Variants in HIP1 observed in about 807,000 individuals in gnomAD.
HIP1 encodes the protein huntingtin interacting protein 1.
Under a neutral mutation model 147.6 loss-of-function variants are expected in HIP1, and 65 were observed. That is an observed-to-expected ratio of 0.44 (90% CI 0.36 to 0.54). HIP1 has a LOEUF of 0.54. HIP1 is among the 20% of genes least tolerant of loss of function. The pLI is 0.00. For synonymous variants in HIP1, 479 were observed against 504.0 expected, an observed-to-expected ratio of 0.95 and a Z score of 0.67; for missense variants, 1,061 against 1,299.6, an observed-to-expected ratio of 0.82 and a Z score of 2.82.
chr7:75,570,130 C>T (rs782625881), intron 8 of HIP1, among the ~76,000 whole-genome samples: 9 of 151,330 alleles, frequency 5.9e-5, no homozygotes, highest in South Asian at 4.2e-4. Flanking sequence ...TACAGGGTTT[C>T]GCCGTGTTGG....
chr7:75,547,810 T>A lies in HIP1; in HGVS notation c.2410A>T (p.Met804Leu). The A allele has an allele frequency of 6.2e-7, 1 of 1,613,434 alleles. No individual in the cohort carries two copies. Among genetic ancestry groups the A allele is most frequent in the Non-Finnish European group, 8.5e-7 (1 of 1,179,498 alleles). ...TCTCCTGCTCGGGATTTGCTGAGCA[T>A]CTCCTGTGAAAAAGAAGCATGGTTT... ...IETATARIEE[M>L]LSKSRAGDTG... The change falls in exon 24 of 31, where the codon ATG becomes TTG. Residue 804 changes from methionine (M) to leucine (L), a missense_variant. Met to Leu is a conservative substitution (Grantham distance 15, BLOSUM62 2). This residue lies in a region of HIP1 where 810 missense variants were observed against 946.8 expected (regional missense o/e 0.86). Transcript: ENST00000336926.
At chr7:75,669,883 C>A (rs1554515073) in intron 1 of HIP1, among the ~76,000 whole-genome samples, 1 of 152,182 alleles carries the variant, frequency 6.6e-6, no homozygotes, top group Non-Finnish European at 1.5e-5. Context: ...CTCACTGCAA[C>A]CTCCATCTCC....
intron 4 of HIP1, among the ~76,000 whole-genome samples, chr7:75,588,334 CAA>C: frequency 6.6e-6 from 1 of 152,076 alleles, no homozygotes; most frequent in African/African-American, 2.4e-5. Flanking sequence ...ACAGCATGGG[CAA>C]AATGCACCAA....
chr7:75,713,315 T>C (rs1260481791), intron 1 of HIP1, among the ~76,000 whole-genome samples: 3 of 152,164 alleles, frequency 2.0e-5, no homozygotes, highest in Non-Finnish European at 4.4e-5. Context: ...TGCAATGACA[T>C]AGTTCCCAGG....
intron 9 of HIP1, among the ~76,000 whole-genome samples, chr7:75,565,244 G>A (rs150094690): frequency 7.9e-5 from 12 of 151,716 alleles, no homozygotes; most frequent in African/African-American, 2.4e-4. Context: ...GACAGCAGCC[G>A]TGTCTGTGTG....
chr7:75,623,210 C>CAAAAAA (rs34787591), intron 1 of HIP1, among the ~76,000 whole-genome samples: 1 of 83,024 alleles, frequency 1.2e-5, no homozygotes, highest in Non-Finnish European at 2.2e-5. Flanking sequence ...AAAAAAAAAG[C>CAAAAAA]AAAAAAAAAA....
chr7:75,662,483 G>A (rs1554513792), intron 1 of HIP1, among the ~76,000 whole-genome samples: 1 of 152,070 alleles, frequency 6.6e-6, no homozygotes, highest in Non-Finnish European at 1.5e-5. Context: ...TGGCTGGAAA[G>A]AGGCTTTTAT....
At chr7:75,674,637 T>A (rs868954182) in intron 1 of HIP1, among the ~76,000 whole-genome samples, 1 of 151,978 alleles carries the variant, frequency 6.6e-6, no homozygotes, top group Middle Eastern at 3.4e-3. Context: ...GGACTACAGA[T>A]GCCTGCCACC....
chr7:75,597,345 G>A (rs1554502129), intron 2 of HIP1, among the ~76,000 whole-genome samples: 2 of 152,138 alleles, frequency 1.3e-5, no homozygotes, highest in Non-Finnish European at 2.9e-5. Context: ...GAAGGCTTCG[G>A]GACAAGCTGC....
At chr7:75,637,990 CCCCACACACACACATACA>C (rs1798494417) in intron 1 of HIP1, among the ~76,000 whole-genome samples, 3 of 43,510 alleles carry the variant, frequency 6.9e-5, no homozygotes, top group Admixed American at 1.9e-4. Flanking sequence ...CCCCCCCCCC[CCCCACACACACACATACA>C]CACACACACA....
intron 19 of HIP1, among the ~76,000 whole-genome samples, chr7:75,555,205 G>GGGGGAAAA (rs1794951317): frequency 9.0e-6 from 1 of 111,204 alleles, no homozygotes. Flanking sequence ...CGGGGGGGGG[G>GGGGGAAAA]AAGAAAATAC....
chr7:75,718,877 A>T (rs1418639894), intron 1 of HIP1, among the ~76,000 whole-genome samples: 2 of 152,148 alleles, frequency 1.3e-5, no homozygotes, highest in African/African-American at 4.8e-5. Flanking sequence ...CCAAAACTAC[A>T]CAGCTGCAAA....
At chr7:75,557,412 C>T (rs113024946) in intron 16 of HIP1, among the ~76,000 whole-genome samples, 19 of 152,284 alleles carry the variant, frequency 1.2e-4, no homozygotes, top group East Asian at 3.9e-4. Context: ...CTCAAACTCT[C>T]CACCAGCCTC....
At chr7:75,730,157 C>T (rs1004974580) in intron 1 of HIP1, among the ~76,000 whole-genome samples, 4 of 151,914 alleles carry the variant, frequency 2.6e-5, no homozygotes, top group Non-Finnish European at 4.4e-5. Context: ...CAGAAACCAT[C>T]AGACAGAGGT....
At chr7:75,724,229 A>G (rs1801586816) in intron 1 of HIP1, among the ~76,000 whole-genome samples, 1 of 147,170 alleles carries the variant, frequency 6.8e-6, no homozygotes. Context: ...CTGGGATTAC[A>G]GGCGTGAGCC....
intron 1 of HIP1, among the ~76,000 whole-genome samples, chr7:75,689,246 A>T (rs782533300): frequency 2.4e-4 from 36 of 151,996 alleles, no homozygotes; most frequent in Non-Finnish European, 4.6e-4. Context: ...TGGCTCACAC[A>T]TGTAATCCCA....
chr7:75,661,016 C>T (rs549492088), intron 1 of HIP1, among the ~76,000 whole-genome samples: 24 of 152,194 alleles, frequency 1.6e-4, no homozygotes, highest in African/African-American at 4.8e-4. Context: ...TGGTGGCTCA[C>T]GCCTGTAATG....
chr7:75,643,642 A>AT (rs781557204), intron 1 of HIP1, among the ~76,000 whole-genome samples: 2 of 152,140 alleles, frequency 1.3e-5, no homozygotes, highest in Non-Finnish European at 2.9e-5. Context: ...CAGTGTTTTA[A>AT]TTTTTATAAG....
chr7:75,593,485 C>T (rs1416477564), intron 2 of HIP1, among the ~76,000 whole-genome samples: 4 of 151,922 alleles, frequency 2.6e-5, no homozygotes, highest in African/African-American at 9.7e-5. Flanking sequence ...ACAAAATTAG[C>T]TGGGCGTGGC....
Sources: allele counts gnomAD v4.1 joint callset (sites outside exome capture counted in the v4.1 genomes callset), GRCh38; gene constraint gnomAD v4.1.1; regional missense constraint gnomAD v4.1.1; transcripts MANE v1.5; gene names NCBI Gene and HGNC (gene_info 2026-07-23, HGNC 2026-07-21).